The following KLF8 variants were observed in gnomAD, a reference collection of about 807,000 sequenced individuals.
KLF8 encodes KLF transcription factor 8.
In KLF8, 10 loss-of-function variants were observed where a neutral mutation model predicts 18.2. The observed-to-expected ratio is 0.55, with a 90% CI of 0.34 to 0.93. The LOEUF is 0.93. Ranked by LOEUF, KLF8 falls within the 40% of genes least tolerant of loss-of-function variation. The pLI is 0.02. For missense variants in KLF8, 264 were observed against 277.9 expected, an observed-to-expected ratio of 0.95 and a Z score of 0.36; for synonymous variants, 109 against 97.3, an observed-to-expected ratio of 1.12 and a Z score of -0.71.
chrX:56,261,459 C>T (rs1199386830), intron 2 of KLF8, among the ~76,000 whole-genome samples: 1 of 111,703 alleles, frequency 9.0e-6, no homozygotes, highest in Non-Finnish European at 1.9e-5. Context: ...AGAAAGATTA[C>T]TTTAAAAGAA....
At chrX:56,123,309 G>GAAAAGA in the KLF8 span, among the ~76,000 whole-genome samples, 68 of 108,155 alleles carry the variant, frequency 6.3e-4, no homozygotes, top group African/African-American at 2.3e-3. Context: ...GAGAAAGAAA[G>GAAAAGA]AAAGAAAAGA....
At chrX:56,150,907 A>G in the KLF8 span, among the ~76,000 whole-genome samples, 1 of 111,636 alleles carries the variant, frequency 9.0e-6, no homozygotes, top group Non-Finnish European at 1.9e-5. Flanking sequence ...AAAGAAAAAT[A>G]TGTTGTTATA....
the KLF8 span, among the ~76,000 whole-genome samples, chrX:56,074,083 AT>A: frequency 6.5e-4 from 72 of 111,357 alleles, no homozygotes; most frequent in African/African-American, 2.3e-3. Flanking sequence ...CTTTTTGGCC[AT>A]TTTTATTTCT....
chrX:56,114,041 G>T, the KLF8 span, among the ~76,000 whole-genome samples: 12 of 111,912 alleles, frequency 1.1e-4, no homozygotes, highest in African/African-American at 3.6e-4. Context: ...TCATAGTTCT[G>T]TCTGTAAATC....
At chrX:56,173,400 G>C in the KLF8 span, among the ~76,000 whole-genome samples, 1 of 111,798 alleles carries the variant, frequency 8.9e-6, no homozygotes, top group Non-Finnish European at 1.9e-5. Flanking sequence ...TCAAAGATCA[G>C]ATAGTGGTAG....
the KLF8 span, among the ~76,000 whole-genome samples, chrX:56,058,323 G>C: frequency 1.8e-4 from 5 of 27,578 alleles, no homozygotes; most frequent in African/African-American, 6.2e-4. Flanking sequence ...TATATATATA[G>C]TGAGTTTTAT....
At chrX:56,153,971 G>A in the KLF8 span, among the ~76,000 whole-genome samples, 12 of 111,418 alleles carry the variant, frequency 1.1e-4, no homozygotes, top group African/African-American at 3.9e-4. Context: ...CTCATGAGTA[G>A]GAAGAATCAA....
At chrX:56,210,073 T>C in the KLF8 span, among the ~76,000 whole-genome samples, 1 of 111,990 alleles carries the variant, frequency 8.9e-6, no homozygotes, top group Non-Finnish European at 1.9e-5. Flanking sequence ...GTAAAAGTAG[T>C]TTGCACACCA....
the KLF8 span, among the ~76,000 whole-genome samples, chrX:56,200,972 A>G: frequency 8.9e-6 from 1 of 111,862 alleles, no homozygotes; most frequent in East Asian, 2.8e-4. Flanking sequence ...AAGATGACAC[A>G]TATTGGTTAG....
the KLF8 span, among the ~76,000 whole-genome samples, chrX:56,119,840 G>T: frequency 9.2e-6 from 1 of 108,171 alleles, no homozygotes; most frequent in African/African-American, 3.4e-5. Context: ...GCAGAAGAAT[G>T]GGTTGTGCAA....
At chrX:56,132,735 T>A in the KLF8 span, among the ~76,000 whole-genome samples, 1 of 110,954 alleles carries the variant, frequency 9.0e-6, no homozygotes, top group Non-Finnish European at 1.9e-5. Flanking sequence ...AGCTGGTTAT[T>A]TGAAAAGATA....
At chrX:56,185,782 T>G in the KLF8 span, among the ~76,000 whole-genome samples, 8 of 111,681 alleles carry the variant, frequency 7.2e-5, no homozygotes, top group South Asian at 1.5e-3. Context: ...CTAAGCTTCA[T>G]AAGTGAAGGA....
chrX:55,958,857 T>G, the KLF8 span, among the ~76,000 whole-genome samples: 1 of 112,445 alleles, frequency 8.9e-6, no homozygotes, highest in Non-Finnish European at 1.9e-5. Flanking sequence ...TCCCTTCTGG[T>G]GCATGCATCA....
At chrX:56,167,246 T>A in the KLF8 span, among the ~76,000 whole-genome samples, 1 of 111,441 alleles carries the variant, frequency 9.0e-6, no homozygotes, top group Admixed American at 9.6e-5. Context: ...TTCTCCTGCC[T>A]CAGTCTCCCG....
chrX:56,181,972 G>T, the KLF8 span, among the ~76,000 whole-genome samples: 2 of 110,981 alleles, frequency 1.8e-5, no homozygotes, highest in East Asian at 5.6e-4. Context: ...TATCTTCGTG[G>T]TGCTCTCTGT....
At chrX:56,109,851 C>A in the KLF8 span, among the ~76,000 whole-genome samples, 1 of 110,203 alleles carries the variant, frequency 9.1e-6, no homozygotes, top group Non-Finnish European at 1.9e-5. Flanking sequence ...TAGATAAACA[C>A]GTGCCATCGT....
intron 2 of KLF8, among the ~76,000 whole-genome samples, chrX:56,255,526 G>A (rs181673154): frequency 3.6e-5 from 4 of 112,190 alleles, no homozygotes; most frequent in East Asian, 2.8e-4. Context: ...TTCCCCATTC[G>A]ATATGATACT....
the KLF8 span, among the ~76,000 whole-genome samples, chrX:56,154,672 A>G: frequency 8.9e-6 from 1 of 112,139 alleles, no homozygotes; most frequent in Admixed American, 9.5e-5. Context: ...CAGGCAACCT[A>G]CAGAATGGGA....
chrX:55,927,787 T>C, the KLF8 span, among the ~76,000 whole-genome samples: 1 of 111,813 alleles, frequency 8.9e-6, no homozygotes, highest in Non-Finnish European at 1.9e-5. Flanking sequence ...ATTTTTAATA[T>C]ATTTTGTATA....
Sources: allele counts gnomAD v4.1 joint callset (sites outside exome capture counted in the v4.1 genomes callset), GRCh38; gene constraint gnomAD v4.1.1; transcripts MANE v1.5; gene names NCBI Gene and HGNC (gene_info 2026-07-23, HGNC 2026-07-21).